SLC44A5: variants seen among roughly 807,000 people sequenced by gnomAD.
The protein encoded by SLC44A5 is choline transporter-like protein 5.
SLC44A5 carries 57 observed loss-of-function variants against 101.8 expected under a neutral mutation model. The observed-to-expected ratio is 0.56, with a 90% CI of 0.45 to 0.70. SLC44A5 has a LOEUF of 0.70. Ranked by LOEUF, SLC44A5 falls within the 30% of genes least tolerant of loss-of-function variation. SLC44A5 has a pLI of 0.00. For missense variants in SLC44A5, 737 were observed against 853.1 expected, an observed-to-expected ratio of 0.86 and a Z score of 1.70; for synonymous variants, 281 against 290.9, an observed-to-expected ratio of 0.97 and a Z score of 0.35.
chr1:75,542,749 G>A (rs1321289229), intron 1 of SLC44A5, among the ~76,000 whole-genome samples: 1 of 152,018 alleles, frequency 6.6e-6, no homozygotes, highest in Non-Finnish European at 1.5e-5. Flanking sequence ...TTGACTCAAA[G>A]ATTACAAAGT....
the SLC44A5 span, among the ~76,000 whole-genome samples, chr1:75,657,343 G>A: frequency 6.6e-6 from 1 of 152,062 alleles, no homozygotes; most frequent in Admixed American, 6.6e-5. Flanking sequence ...GAGCTCAGGA[G>A]TTTGAAACCA....
chr1:75,680,784 A>G, the SLC44A5 span, among the ~76,000 whole-genome samples: 1 of 149,430 alleles, frequency 6.7e-6, no homozygotes, highest in South Asian at 2.1e-4. Flanking sequence ...AAGGAAATAG[A>G]GACACAAAAA....
chr1:75,677,812 G>A, the SLC44A5 span: 86 of 405,434 alleles, frequency 2.1e-4, no homozygotes, highest in South Asian at 1.4e-3. Context: ...CCTGAGCGAC[G>A]CAGAAGATGG....
chr1:75,294,795 C>T (rs1016207343), intron 5 of SLC44A5, among the ~76,000 whole-genome samples: 1 of 152,048 alleles, frequency 6.6e-6, no homozygotes, highest in Non-Finnish European at 1.5e-5. Context: ...AAAAGTATTG[C>T]GTGATCTCCT....
intron 3 of SLC44A5, among the ~76,000 whole-genome samples, chr1:75,394,310 T>A (rs1288611268): frequency 6.6e-6 from 1 of 152,158 alleles, no homozygotes; most frequent in Non-Finnish European, 1.5e-5. Context: ...AACTGTTTCA[T>A]GAAGTAATGC....
At chr1:75,258,415 T>TGGGAAGTG (rs1456185194) in intron 6 of SLC44A5, among the ~76,000 whole-genome samples, 19 of 31,820 alleles carry the variant, frequency 6.0e-4, no homozygotes, top group Non-Finnish European at 3.4e-4. Context: ...GTTGGGAAGT[T>TGGGAAGTG]GGAACTGGGT....
At chr1:75,722,024 T>C in the SLC44A5 span, among the ~76,000 whole-genome samples, 4 of 152,216 alleles carry the variant, frequency 2.6e-5, no homozygotes, top group Non-Finnish European at 5.9e-5. Context: ...GAAATGGTTA[T>C]ATAGGAAAAT....
In SLC44A5 at chr1:75,476,333, G is replaced by A. The variant is rs571579692; in HGVS notation, c.13+65102C>T. Among the ~76,000 whole-genome samples, 8 of 152,294 alleles carry A rather than the reference G, an allele frequency of 5.3e-5. No homozygotes were observed. In the South Asian group the frequency reaches 1.7e-3, roughly 32 times the overall value. On this transcript the variant is annotated intron_variant, in intron 2 of 23. Coordinates refer to ENST00000370859, the MANE Select transcript of SLC44A5 (RefSeq NM_001130058.2). ...TCCCAGCGTGAGTGACGCAGAAGAT[G>A]GGTGATTTCTGCATTTCTATCTGAG...
the SLC44A5 span, among the ~76,000 whole-genome samples, chr1:75,658,032 G>C: frequency 4.6e-5 from 7 of 152,096 alleles, no homozygotes; most frequent in African/African-American, 1.7e-4. Flanking sequence ...ATTGGACATG[G>C]AACATTCTCC....
chr1:75,251,338 G>GATATGGAACAT, intron 6 of SLC44A5, 44 bp from the exon 7 acceptor site: 2 of 1,496,842 alleles, frequency 1.3e-6, no homozygotes, highest in Non-Finnish European at 1.9e-6. Context: ...CCATGGAAAT[G>GATATGGAACAT]TTCCATATCA....
intron 2 of SLC44A5, among the ~76,000 whole-genome samples, chr1:75,449,951 A>C (rs552641618): frequency 6.6e-6 from 1 of 152,306 alleles, no homozygotes; most frequent in Non-Finnish European, 1.5e-5. Context: ...CAGTAAGCCA[A>C]GATCATGCCA....
chr1:75,484,838 G>A (rs139453489), intron 2 of SLC44A5, among the ~76,000 whole-genome samples: 87 of 152,358 alleles, frequency 5.7e-4, no homozygotes, highest in Non-Finnish European at 1.1e-3. Flanking sequence ...CGTGAAAGCT[G>A]CACAGGTTTG....
chr1:75,656,206 C>T, the SLC44A5 span, among the ~76,000 whole-genome samples: 5 of 152,126 alleles, frequency 3.3e-5, no homozygotes, highest in African/African-American at 1.2e-4. Flanking sequence ...CTCAGGCAAA[C>T]AAAAGCTAGG....
chr1:75,318,535 A>G (rs1655891817), intron 4 of SLC44A5, among the ~76,000 whole-genome samples: 1 of 152,188 alleles, frequency 6.6e-6, no homozygotes, highest in African/African-American at 2.4e-5. Flanking sequence ...ATTTTATGCA[A>G]AAGCACAGAT....
intron 3 of SLC44A5, among the ~76,000 whole-genome samples, chr1:75,365,683 T>C (rs1414332731): frequency 1.3e-5 from 2 of 152,236 alleles, no homozygotes; most frequent in African/African-American, 2.4e-5. Context: ...ATGGTACATA[T>C]ACTCCATGGA....
rs980596980 is a variant in SLC44A5 at position 75,430,186 on chromosome 1, T to C, written c.14-33565A>G. 5.3e-5 allele frequency among the ~76,000 whole-genome samples: 8 copies of C among 152,164 alleles called. No homozygotes were observed. In the South Asian group the frequency reaches 1.7e-3, roughly 32 times the overall value. On this transcript the variant is annotated intron_variant, in intron 2 of 23. Transcript: ENST00000370859. ...CTTTATGAATGGATTATTACCATTA[T>C]AAAAGGGCTTAATGAAGTGAGCTTG...
chr1:75,554,732 T>C (rs1182607197), intron 1 of SLC44A5, among the ~76,000 whole-genome samples: 1 of 151,968 alleles, frequency 6.6e-6, no homozygotes, highest in East Asian at 1.9e-4. Flanking sequence ...GGACAGTCAT[T>C]TGAGTGGTTT....
intron 3 of SLC44A5, among the ~76,000 whole-genome samples, chr1:75,393,332 C>T (rs1661916726): frequency 1.3e-5 from 2 of 152,100 alleles, no homozygotes; most frequent in African/African-American, 2.4e-5. Context: ...ATTGATACCT[C>T]ATTTAAAAAG....
intron 1 of SLC44A5, among the ~76,000 whole-genome samples, chr1:75,575,793 G>C (rs145185760): frequency 6.6e-6 from 1 of 152,300 alleles, no homozygotes; most frequent in East Asian, 1.9e-4. Flanking sequence ...CTGCTGTGTG[G>C]TGAGTTAACC....
Sources: gnomAD v4.1 joint callset for allele counts (sites outside exome capture counted in the v4.1 genomes callset) on GRCh38, gnomAD v4.1.1 for gene constraint, MANE v1.5 for transcripts, NCBI Gene and HGNC (gene_info 2026-07-23, HGNC 2026-07-21) for gene names.